GPRC5A: variants seen among roughly 807,000 people sequenced by gnomAD.
GPRC5A encodes retinoic acid-induced protein 3.
In GPRC5A, 19 loss-of-function variants were observed where a neutral mutation model predicts 22.5. That is an observed-to-expected ratio of 0.85 (90% CI 0.59 to 1.24). The LOEUF (loss-of-function observed/expected upper bound fraction) is 1.24. GPRC5A is among the 50% of genes most tolerant of loss of function. The probability of loss-of-function intolerance (pLI) is 0.00; values close to 1 mark genes in which losing one functional copy is unlikely to be tolerated. For missense variants in GPRC5A, 471 were observed against 451.1 expected (o/e 1.04, Z -0.40); for synonymous variants, 192 against 184.5 (o/e 1.04, Z -0.33).
At chr12:12,907,042 G>C (rs543492213) in intron 1 of GPRC5A, among the ~76,000 whole-genome samples, 1 of 146,328 alleles carries the variant, frequency 6.8e-6, no homozygotes, top group Non-Finnish European at 1.5e-5. Flanking sequence ...CAAAAAGAGC[G>C]AAACTCCGTC....
intron 1 of GPRC5A, 41 bp downstream of exon 1, chr12:12,891,705 G>C (rs1325564985): frequency 6.6e-6 from 1 of 152,210 alleles, no homozygotes; most frequent in African/African-American, 2.4e-5. Context: ...GGGGCCTCCG[G>C]ATTTAAATCG....
rs1565466605 is a variant in GPRC5A at position 12,914,598 on chromosome 12, C to CTTTCTTTCTTTCTT, written c.*2060_*2061insTTCTTTCTTTCTTT. 34 of 11,916 alleles carry CTTTCTTTCTTTCTT rather than the reference C, an allele frequency of 2.9e-3. No individual in the cohort carries two copies. The highest frequency in any genetic ancestry group is 6.0e-3 in the Admixed American group (6 of 1,000). 0.7% of individuals were successfully genotyped at this position (11,916 alleles called of 1,614,324 possible). A position where few individuals can be genotyped will look rare whatever the true frequency, so the allele number is the denominator to read the frequency against. On this transcript the variant is annotated 3_prime_UTR_variant, in exon 4 of 4. Transcript: ENST00000014914. Reference sequence around the variant, plus strand: ...TTTCTTTCTTTCTTTCTTTCTTTCTCTCTCTCTCTCTCTCTCTCTTTCTTT... The same window carrying CTTTCTTTCTTTCTT: ...TTTCTTTCTTTCTTTCTTTCTTTCTCTTTCTTTCTTTCTTTCTCTCTCTCTCTCTCTCTTTCTTT...
At chr12:12,897,486 G>A (rs1239219975) in intron 1 of GPRC5A, among the ~76,000 whole-genome samples, 2 of 152,126 alleles carry the variant, frequency 1.3e-5, no homozygotes, top group East Asian at 1.9e-4. Flanking sequence ...TGCCTTGCAC[G>A]GAGGTGGAGA....
Position 12,908,625 on chromosome 12 carries a change from A to G in GPRC5A, c.376A>G (p.Arg126Gly), listed in dbSNP as rs1475973004. 4 of 1,613,528 alleles carry G rather than the reference A, an allele frequency of 2.5e-6. No individual in the cohort carries two copies. Among genetic ancestry groups the G allele is most frequent in the Non-Finnish European group, 3.4e-6 (4 of 1,179,854 alleles). The change falls in exon 2 of 4, where the codon AGG (arginine) becomes GGG (glycine). Residue 126 changes from arginine to glycine, a missense_variant. Arg to Gly is a moderately radical substitution (Grantham distance 125). Coordinates refer to ENST00000014914, the MANE Select transcript of GPRC5A (RefSeq NM_003979.4). ...AVSLTKLVRG[R>G]KPLSLLVILG... ...CAGTCTGACCAAGCTCGTCCGGGGG[A>G]GGAAGCCCCTTTCCCTGTTGGTGAT...
chr12:12,897,024 C>T (rs568542524), intron 1 of GPRC5A, among the ~76,000 whole-genome samples: 12 of 152,050 alleles, frequency 7.9e-5, no homozygotes, highest in South Asian at 6.2e-4. Flanking sequence ...CCCAGGAGTT[C>T]GAGACCAGCT....
At chr12:12,899,698 C>T (rs994084893) in intron 1 of GPRC5A, among the ~76,000 whole-genome samples, 4 of 152,154 alleles carry the variant, frequency 2.6e-5, no homozygotes, top group African/African-American at 9.7e-5. Context: ...CAGTAGCTGT[C>T]ATTATTCTTA....
intron 1 of GPRC5A, among the ~76,000 whole-genome samples, chr12:12,893,734 TTTTTGTTTTG>T (rs919829557): frequency 2.7e-5 from 4 of 149,634 alleles, no homozygotes; most frequent in Non-Finnish European, 4.5e-5. Context: ...AATAAAGTGA[TTTTTGTTTTG>T]TTTTGTTTTG....
chr12:12,915,907 G>T lies in GPRC5A; in HGVS notation c.*3368G>T, dbSNP rs1161888284. 1.9e-6 allele frequency: 1 copy of T among 525,128 alleles called. No homozygotes were observed. Among genetic ancestry groups the T allele is most frequent in the Non-Finnish European group, 3.9e-6 (1 of 254,624 alleles). 32.5% of individuals were successfully genotyped at this position (525,128 alleles called of 1,614,324 possible). Reference sequence around the variant, plus strand: ...GAACGCCTGTTCTTGCCAGGTGGCAGAAGGTTGCTGCTCATTTGAGCAGTA... The same window carrying T: ...GAACGCCTGTTCTTGCCAGGTGGCATAAGGTTGCTGCTCATTTGAGCAGTA... On this transcript the variant is annotated 3_prime_UTR_variant, in exon 4 of 4. Transcript: ENST00000014914.
Position 12,914,594 on chromosome 12 carries a change from T to TTCTTTCTTTCTTTCTTTCTTTCTC in GPRC5A, c.*2058_*2059insTTCTTTCTTTCTTTCTTTCTCTCT, listed in dbSNP as rs59721062. 46 of 81,570 alleles carry TTCTTTCTTTCTTTCTTTCTTTCTC rather than the reference T, an allele frequency of 5.6e-4. No individual in the cohort carries two copies. Among genetic ancestry groups the TTCTTTCTTTCTTTCTTTCTTTCTC allele is most frequent in the African/African-American group, 6.4e-4 (10 of 15,588 alleles). 5.1% of individuals were successfully genotyped at this position (81,570 alleles called of 1,614,324 possible). ...TTTCTTTCTTTCTTTCTTTCTTTCTTTCTCTCTCTCTCTCTCTCTCTCTTT... is the reference window on the plus strand; with the variant it reads ...TTTCTTTCTTTCTTTCTTTCTTTCTTTCTTTCTTTCTTTCTTTCTTTCTCTCTCTCTCTCTCTCTCTCTCTCTTT... On this transcript the variant is annotated 3_prime_UTR_variant, in exon 4 of 4. Coordinates refer to ENST00000014914, the MANE Select transcript of GPRC5A (RefSeq NM_003979.4).
intron 1 of GPRC5A, among the ~76,000 whole-genome samples, chr12:12,903,937 C>G (rs950820773): frequency 7.2e-5 from 11 of 152,174 alleles, no homozygotes; most frequent in Admixed American, 2.0e-4. Context: ...TCCCTCATAA[C>G]AATCAGGTAA....
Position 12,908,751 on chromosome 12 carries a change from C to A in GPRC5A, c.502C>A (p.Leu168Ile). The A allele has an allele frequency of 1.2e-6, 2 of 1,614,216 alleles. No homozygotes were observed. Among genetic ancestry groups the A allele is most frequent in the South Asian group, 2.2e-5 (2 of 91,086 alleles). ...GACCAACGTCAATGTCTTTTCTGAGCTTTCCGCTCCTCGTCGCAATGAAGA... is the reference window on the plus strand; with the variant it reads ...GACCAACGTCAATGTCTTTTCTGAGATTTCCGCTCCTCGTCGCAATGAAGA... The part of the protein sequence containing the change: ...NRTNVNVFSE[L>I]SAPRRNEDFV... Residue 168 changes from leucine (L) to isoleucine (I), a missense_variant, in exon 2 of 4, where the codon CTT (leucine) becomes ATT (isoleucine). By Grantham distance (5) the Leu-to-Ile change is conservative (BLOSUM62 2). Coordinates refer to ENST00000014914, the MANE Select transcript of GPRC5A (RefSeq NM_003979.4).
At chr12:12,903,436 G>T (rs549245340) in intron 1 of GPRC5A, among the ~76,000 whole-genome samples, 2 of 152,016 alleles carry the variant, frequency 1.3e-5, no homozygotes, top group Non-Finnish European at 2.9e-5. Context: ...GTGCCCCTCC[G>T]CACCTGGCTA....
At chr12:12,894,651 T>C (rs1020171145) in intron 1 of GPRC5A, among the ~76,000 whole-genome samples, 6 of 152,126 alleles carry the variant, frequency 3.9e-5, no homozygotes, top group African/African-American at 1.4e-4. Flanking sequence ...TCAAGCAATC[T>C]TCCTGCCTTC....
Position 12,892,999 on chromosome 12 carries a change from C to A in GPRC5A, c.-8+1335C>A, listed in dbSNP as rs192258594. Reference sequence around the variant, plus strand: ...GAGGGGAAGGAAGGGCCGGGAGAGGCGCTACGTGGGAAACAAGGGACCTCT... The same window carrying A: ...GAGGGGAAGGAAGGGCCGGGAGAGGAGCTACGTGGGAAACAAGGGACCTCT... On this transcript the variant is annotated intron_variant, in intron 1 of 3. Coordinates refer to ENST00000014914, the MANE Select transcript of GPRC5A (RefSeq NM_003979.4). Among the ~76,000 whole-genome samples the A allele has an allele frequency of 3.3e-5, 5 of 152,118 alleles. No individual in the cohort carries two copies. In the South Asian group the frequency reaches 1.0e-3, roughly 32 times the overall value.
At position 12,915,743 on chromosome 12, in the gene GPRC5A, G is replaced by T. The variant is rs773341730; in HGVS notation, c.*3204G>T. On this transcript the variant is annotated 3_prime_UTR_variant, in exon 4 of 4. Transcript: ENST00000014914. The stretch of plus-strand genomic sequence containing the variant: ...CAAACCTCGTGATCCACCTACCTTG[G>T]CCTCTGAAAGTGCTGGGATACCGTG... 1.8e-5 allele frequency: 7 copies of T among 382,386 alleles called. No individual in the cohort carries two copies. The highest frequency in any genetic ancestry group is 3.4e-5 in the Non-Finnish European group (6 of 177,452). The allele number at this position is 382,386 out of a possible 1,614,324, so 23.7% of individuals were successfully genotyped here. A position where few individuals can be genotyped will look rare whatever the true frequency, so the allele number is the denominator to read the frequency against.
Position 12,912,599 on chromosome 12 carries a change from G to C in GPRC5A, c.*60G>C. The C allele has an allele frequency of 1.0e-6, 1 of 960,380 alleles. No individual in the cohort carries two copies. The allele number at this position is 960,380 out of a possible 1,614,324, so 59.5% of individuals were successfully genotyped here. Reference sequence around the variant, plus strand: ...CGGCAGATCTAGCGGGAGCTCAAAGGGATGTGGGCGAAATCTTGAGTCTTC... The same window carrying C: ...CGGCAGATCTAGCGGGAGCTCAAAGCGATGTGGGCGAAATCTTGAGTCTTC... On this transcript the variant is annotated 3_prime_UTR_variant, in exon 4 of 4. Transcript: ENST00000014914.
intron 1 of GPRC5A, among the ~76,000 whole-genome samples, chr12:12,899,450 T>A (rs1356461067): frequency 6.6e-6 from 1 of 152,086 alleles, no homozygotes; most frequent in Non-Finnish European, 1.5e-5. Context: ...TGACAGTGAT[T>A]TAGAGGTGAA....
In GPRC5A at chr12:12,895,641, A is replaced by C. The variant is rs932743886; in HGVS notation, c.-8+3977A>C. The stretch of plus-strand genomic sequence containing the variant: ...GTGAATATTACCCTTATGTATCAGA[A>C]TAAGATATTTAAATGAAGGGATCTT... On this transcript the variant is annotated intron_variant, in intron 1 of 3. Coordinates refer to ENST00000014914, the MANE Select transcript of GPRC5A (RefSeq NM_003979.4). 1.2e-4 allele frequency among the ~76,000 whole-genome samples: 18 copies of C among 151,790 alleles called. 1 individual carries two copies. Among genetic ancestry groups the C allele is most frequent in the African/African-American group, 3.4e-4 (14 of 41,304 alleles).
chr12:12,896,027 T>A (rs1306568448), intron 1 of GPRC5A, among the ~76,000 whole-genome samples: 3 of 148,976 alleles, frequency 2.0e-5, no homozygotes, highest in Non-Finnish European at 4.5e-5. Context: ...GATAGTATAC[T>A]AGTAGAGGAC....
Sources: gnomAD v4.1 joint callset for allele counts (sites outside exome capture counted in the v4.1 genomes callset) on GRCh38, gnomAD v4.1.1 for gene constraint, MANE v1.5 for transcripts, NCBI Gene and HGNC (gene_info 2026-07-23, HGNC 2026-07-21) for gene names.